CHN2: variants seen among roughly 807,000 people sequenced by gnomAD.
CHN2 encodes chimerin 2.
A neutral mutation model predicts 56.3 loss-of-function variants in CHN2; 35 were observed. That is an observed-to-expected ratio of 0.62 (90% CI 0.47 to 0.82). CHN2 has a LOEUF of 0.82. Among genes scored for constraint, CHN2 ranks in the 40% least tolerant of loss-of-function variants. CHN2 has a pLI of 0.00. For synonymous variants in CHN2, 210 were observed against 212.8 expected, an observed-to-expected ratio of 0.99 and a Z score of 0.12; for missense variants, 491 against 580.5, an observed-to-expected ratio of 0.85 and a Z score of 1.58.
chr7:29,256,854 G>C (rs79051144), intron 1 of CHN2, among the ~76,000 whole-genome samples: 2,769 of 152,224 alleles, frequency 0.018, 88 homozygotes, highest in African/African-American at 0.064. Flanking sequence ...AGGGCCCTCT[G>C]TTAACCAAAG....
At chr7:29,467,648 G>A (rs1406762299) in intron 6 of CHN2, among the ~76,000 whole-genome samples, 1 of 152,202 alleles carries the variant, frequency 6.6e-6, no homozygotes, top group Non-Finnish European at 1.5e-5. Flanking sequence ...GTGGGGGACA[G>A]ATAAGTGGAG....
Position 29,405,164 on chromosome 7 carries a change from T to TACACACACACACACACACACAC in CHN2, c.576+4373_576+4394dup, listed in dbSNP as rs57823678. Reference sequence around the variant, plus strand: ...TCTGTATGGAGTGCTTATGTCACCATACACACACACACACACACACACACA... The same window carrying TACACACACACACACACACACAC: ...TCTGTATGGAGTGCTTATGTCACCATACACACACACACACACACACACACACACACACACACACACACACACA... On this transcript the variant is annotated intron_variant, in intron 6 of 12. Coordinates refer to ENST00000222792, the MANE Select transcript of CHN2 (RefSeq NM_004067.4). 5.1e-4 allele frequency among the ~76,000 whole-genome samples: 54 copies of TACACACACACACACACACACAC among 105,216 alleles called. 6 individuals are homozygous for TACACACACACACACACACACAC. The highest frequency in any genetic ancestry group is 1.3e-3 in the East Asian group (4 of 3,104). 69.0% of individuals were successfully genotyped at this position (105,216 alleles called of 152,430 possible).
At chr7:29,264,003 A>G (rs193022230) in intron 1 of CHN2, among the ~76,000 whole-genome samples, 5 of 113,446 alleles carry the variant, frequency 4.4e-5, no homozygotes, top group African/African-American at 9.5e-5. Flanking sequence ...CAGCCGCCCC[A>G]TCCGGGAGCT....
At chr7:29,504,333 T>C (rs751685840) in intron 9 of CHN2, among the ~76,000 whole-genome samples, 9 of 152,160 alleles carry the variant, frequency 5.9e-5, no homozygotes, top group Non-Finnish European at 1.0e-4. Context: ...CCCATAAATA[T>C]ATACACCTAC....
chr7:29,183,479 C>G (rs1342092090), intron 2 of CHN2, among the ~76,000 whole-genome samples: 1 of 151,574 alleles, frequency 6.6e-6, no homozygotes, highest in African/African-American at 2.4e-5. Flanking sequence ...TGGGTTCAAA[C>G]AATTCTCTTG....
chr7:29,186,635 A>T (rs1798754116), intron 2 of CHN2: 1 of 152,106 alleles, frequency 6.6e-6, no homozygotes, highest in Admixed American at 6.6e-5. Context: ...AGGGAGAGGG[A>T]GAGAAGGAAG....
chr7:29,496,074 ATGCCACTG>A lies in CHN2; in HGVS notation c.739+42_739+49del, dbSNP rs1789248294. Reference sequence around the variant, plus strand: ...CTTTCTTCTTTTCCAATTATATGAAATGCCACTGTGCTGAGCTGGAGGATGTCTCTCCA... The same window carrying A: ...CTTTCTTCTTTTCCAATTATATGAAATGCTGAGCTGGAGGATGTCTCTCCA... On this transcript the variant is annotated intron_variant, in intron 8 of 12. Transcript: ENST00000222792. The A allele has an allele frequency of 2.6e-6, 4 of 1,528,168 alleles. No individual in the cohort carries two copies. In the African/African-American group the frequency reaches 5.5e-5, roughly 21 times the overall value. The allele number at this position is 1,528,168 out of a possible 1,614,324, so 94.7% of individuals were successfully genotyped here.
At chr7:29,433,850 AAAG>A (rs1783024763) in intron 6 of CHN2, among the ~76,000 whole-genome samples, 1 of 150,346 alleles carries the variant, frequency 6.7e-6, no homozygotes, top group African/African-American at 2.5e-5. Flanking sequence ...ACAAAAAAAA[AAAG>A]GAAGGAAGGG....
chr7:29,417,549 A>C (rs1242112162), intron 6 of CHN2, among the ~76,000 whole-genome samples: 2 of 152,100 alleles, frequency 1.3e-5, no homozygotes, highest in Non-Finnish European at 2.9e-5. Flanking sequence ...GTTAGCCAAA[A>C]GTAGAGAAAG....
intron 3 of CHN2, among the ~76,000 whole-genome samples, chr7:29,388,977 G>A (rs1212885543): frequency 6.6e-6 from 1 of 152,130 alleles, no homozygotes; most frequent in Non-Finnish European, 1.5e-5. Flanking sequence ...TGTTACATGG[G>A]CCTGGTCCCT....
Position 29,194,883 on chromosome 7 carries a change from C to A in CHN2, c.-59C>A. On this transcript the variant is annotated 5_prime_UTR_variant, in exon 1 of 13. Transcript: ENST00000222792. ...GAGGCTGCGAGCGGCCGGGCGAGGG[C>A]AGCGGCGGCGGCGTCCGCACCGGGG... The A allele has an allele frequency of 2.2e-6, 3 of 1,383,438 alleles. No individual in the cohort carries two copies. The highest frequency in any genetic ancestry group is 2.8e-6 in the Non-Finnish European group (3 of 1,069,688). 85.7% of individuals were successfully genotyped at this position (1,383,438 alleles called of 1,614,324 possible).
At chr7:29,473,472 T>TG (rs1455312219) in intron 6 of CHN2, among the ~76,000 whole-genome samples, 7,313 of 109,640 alleles carry the variant, frequency 0.067, 245 homozygotes, top group East Asian at 0.2. Context: ...GTGTTTGTGT[T>TG]TTTTTTTTTT....
At chr7:29,314,153 A>G in intron 1 of CHN2, among the ~76,000 whole-genome samples, 1 of 152,280 alleles carries the variant, frequency 6.6e-6, no homozygotes, top group Admixed American at 6.5e-5. Flanking sequence ...AAGTAATTCC[A>G]GTGTCCACTG....
chr7:29,389,474 G>A (rs1045893173), intron 3 of CHN2, among the ~76,000 whole-genome samples: 1 of 152,130 alleles, frequency 6.6e-6, no homozygotes, highest in Non-Finnish European at 1.5e-5. Context: ...TCTACCCTCA[G>A]TAATTTTGGT....
At chr7:29,180,086 G>C (rs1443017922) in intron 2 of CHN2, among the ~76,000 whole-genome samples, 1 of 152,102 alleles carries the variant, frequency 6.6e-6, no homozygotes, top group African/African-American at 2.4e-5. Flanking sequence ...CACATATTAT[G>C]CTTACATGTG....
intron 1 of CHN2, among the ~76,000 whole-genome samples, chr7:29,316,030 G>A (rs949243178): frequency 6.6e-6 from 1 of 152,162 alleles, no homozygotes; most frequent in East Asian, 1.9e-4. Flanking sequence ...TCTAGGTCTC[G>A]CTTTGTCACA....
intron 6 of CHN2, among the ~76,000 whole-genome samples, chr7:29,436,346 T>C (rs1562605349): frequency 6.6e-6 from 1 of 152,228 alleles, no homozygotes; most frequent in Non-Finnish European, 1.5e-5. Flanking sequence ...TTGGCTTTTA[T>C]ATACCTATGC....
At chr7:29,475,130 C>T (rs1786485243) in intron 6 of CHN2, among the ~76,000 whole-genome samples, 1 of 152,162 alleles carries the variant, frequency 6.6e-6, no homozygotes, top group Non-Finnish European at 1.5e-5. Context: ...CCTCTCATTG[C>T]CTTCTCGTTA....
chr7:29,227,780 C>A (rs1786328266), intron 1 of CHN2, among the ~76,000 whole-genome samples: 1 of 152,140 alleles, frequency 6.6e-6, no homozygotes, highest in Admixed American at 6.6e-5. Flanking sequence ...CTTTTCCCTC[C>A]CCTCTTTAGC....
Sources: gnomAD v4.1 joint callset for allele counts (sites outside exome capture counted in the v4.1 genomes callset) on GRCh38, gnomAD v4.1.1 for gene constraint, MANE v1.5 for transcripts, NCBI Gene and HGNC (gene_info 2026-07-23, HGNC 2026-07-21) for gene names.